HSPA12A: variants seen among roughly 807,000 people sequenced by gnomAD.
HSPA12A encodes heat shock protein family A (Hsp70) member 12A, also known as heat shock 70 kDa protein 12A.
A neutral mutation model predicts 69.2 loss-of-function variants in HSPA12A; 28 were observed. The observed-to-expected ratio is 0.40, with a 90% CI of 0.30 to 0.55. The LOEUF is 0.55. Ranked by LOEUF, HSPA12A falls within the 20% of genes least tolerant of loss-of-function variation. HSPA12A has a pLI of 0.38. For missense variants in HSPA12A, 686 were observed against 900.7 expected, an observed-to-expected ratio of 0.76 and a Z score of 3.05; for synonymous variants, 345 against 370.5, an observed-to-expected ratio of 0.93 and a Z score of 0.79.
At chr10:116,725,213 G>A (rs571542034) in intron 1 of HSPA12A, among the ~76,000 whole-genome samples, 8 of 152,288 alleles carry the variant, frequency 5.3e-5, no homozygotes, top group African/African-American at 1.9e-4. Flanking sequence ...GATGGGAATT[G>A]CTTCTGGCTT....
chr10:116,730,116 G>A (rs1343020202), intron 1 of HSPA12A, among the ~76,000 whole-genome samples: 1 of 152,256 alleles, frequency 6.6e-6, no homozygotes, highest in Non-Finnish European at 1.5e-5. Flanking sequence ...CCTGGAGGCA[G>A]AGGTTGCAGT....
chr10:116,697,706 TA>T (rs1244250163), intron 5 of HSPA12A, among the ~76,000 whole-genome samples: 1 of 152,210 alleles, frequency 6.6e-6, no homozygotes, highest in Non-Finnish European at 1.5e-5. Flanking sequence ...TTCCATACCA[TA>T]AAATTCCCAG....
intron 1 of HSPA12A, among the ~76,000 whole-genome samples, chr10:116,843,030 C>T (rs1183578216): frequency 1.3e-5 from 2 of 152,182 alleles, no homozygotes; most frequent in Non-Finnish European, 2.9e-5. Context: ...ATTAAACTGC[C>T]AGCAGTAGCA....
chr10:116,766,859 A>T (rs1844088900), intron 2 of HSPA12A, among the ~76,000 whole-genome samples: 1 of 152,190 alleles, frequency 6.6e-6, no homozygotes, highest in Admixed American at 6.5e-5. Context: ...TAGGAACTTA[A>T]AAAGAAAAAG....
rs575972477 is a variant in HSPA12A, at chr10:116,804,600, G to A, written c.91+30335C>T. On this transcript the variant is annotated intron_variant, in intron 2 of 12. Coordinates refer to the HSPA12A transcript ENST00000635765. Reference sequence around the variant, plus strand: ...GCTGAGGCATCAGGAACATTAGTGGGAGGAAATGTTCCTGCGTGTTCCTAC... The same window carrying A: ...GCTGAGGCATCAGGAACATTAGTGGAAGGAAATGTTCCTGCGTGTTCCTAC... Among the ~76,000 whole-genome samples the A allele has an allele frequency of 4.6e-5, 7 of 152,254 alleles. No homozygotes were observed. The East Asian group carries it at 5.8e-4, about 13-fold the overall frequency.
At chr10:116,706,450 G>A (rs1850253778) in intron 2 of HSPA12A, among the ~76,000 whole-genome samples, 1 of 152,104 alleles carries the variant, frequency 6.6e-6, no homozygotes, top group African/African-American at 2.4e-5. Flanking sequence ...CAGGGTGCAG[G>A]ACTTGCAGTG....
At chr10:116,688,953 A>C (rs1027371920) in intron 6 of HSPA12A, among the ~76,000 whole-genome samples, 2 of 152,178 alleles carry the variant, frequency 1.3e-5, no homozygotes, top group Non-Finnish European at 2.9e-5. Context: ...CTTTTCACTG[A>C]ATGCTCTTAA....
At chr10:116,811,299 C>T (rs1307850703) in intron 2 of HSPA12A, among the ~76,000 whole-genome samples, 1 of 152,144 alleles carries the variant, frequency 6.6e-6, no homozygotes, top group Non-Finnish European at 1.5e-5. Flanking sequence ...GAGACTGAGG[C>T]TGAGACTATG....
At chr10:116,682,161 A>G (rs1554878717) in intron 7 of HSPA12A, among the ~76,000 whole-genome samples, 1 of 152,142 alleles carries the variant, frequency 6.6e-6, no homozygotes, top group Admixed American at 6.5e-5. Flanking sequence ...TGGAATTATT[A>G]TCCCCATTTT....
chr10:116,717,886 G>A (rs1433529282), intron 1 of HSPA12A, among the ~76,000 whole-genome samples: 3 of 152,138 alleles, frequency 2.0e-5, no homozygotes, highest in Non-Finnish European at 2.9e-5. Flanking sequence ...GATAGGAAAC[G>A]TGAGGGCCGG....
chr10:116,814,385 T>C (rs1845257352), intron 2 of HSPA12A, among the ~76,000 whole-genome samples: 1 of 152,130 alleles, frequency 6.6e-6, no homozygotes, highest in African/African-American at 2.4e-5. Context: ...GAACCCCCTT[T>C]TTGCCTCCTA....
At chr10:116,802,779 G>A (rs1037040315) in intron 2 of HSPA12A, among the ~76,000 whole-genome samples, 3 of 152,188 alleles carry the variant, frequency 2.0e-5, no homozygotes, top group Non-Finnish European at 4.4e-5. Flanking sequence ...CCCACAGGAG[G>A]GACATCCTTC....
chr10:116,833,895 C>A (rs555262158), intron 2 of HSPA12A, among the ~76,000 whole-genome samples: 1 of 152,086 alleles, frequency 6.6e-6, no homozygotes, highest in East Asian at 1.9e-4. Flanking sequence ...CTGCTTTTTA[C>A]GGAGAAAAAA....
At chr10:116,785,707 C>T (rs1844560199) in intron 2 of HSPA12A, among the ~76,000 whole-genome samples, 1 of 152,130 alleles carries the variant, frequency 6.6e-6, no homozygotes, top group South Asian at 2.1e-4. Flanking sequence ...CCCCAAATAT[C>T]CACCTGCCCT....
Position 116,723,239 on chromosome 10 carries a change from C to T in HSPA12A, c.41-15954G>A, listed in dbSNP as rs575239470. On this transcript the variant is annotated intron_variant, in intron 1 of 11. Transcript: ENST00000369209. This position sits in a 1 kb window ranked among gnomAD's most constrained non-coding sequence, Gnocchi z 4.1. ...CCATCATTCCTGTCCTCATACAACC[C>T]CCTGCACAGCTGGGCTGTGTCCTCT... Among the ~76,000 whole-genome samples the T allele has an allele frequency of 3.3e-5, 5 of 152,118 alleles. No individual in the cohort carries two copies. The highest frequency in any genetic ancestry group is 3.3e-4 in the Admixed American group (5 of 15,286).
chr10:116,680,658 G>C (rs1340060045), intron 9 of HSPA12A, among the ~76,000 whole-genome samples: 1 of 152,130 alleles, frequency 6.6e-6, no homozygotes, highest in Admixed American at 6.5e-5. Flanking sequence ...GCTAATTTTT[G>C]TATTTTTAGT....
intron 2 of HSPA12A, among the ~76,000 whole-genome samples, chr10:116,778,736 T>A (rs1226763159): frequency 1.3e-5 from 2 of 151,930 alleles, no homozygotes; most frequent in Non-Finnish European, 1.5e-5. Flanking sequence ...GAGACCAGCT[T>A]GGATGGCATG....
At chr10:116,849,687 A>G (rs1322433414) in exon 1 of HSPA12A, 2 of 1,547,810 alleles carry the variant, frequency 1.3e-6, no homozygotes, top group Non-Finnish European at 1.7e-6. Flanking sequence ...AGAGCTGCTC[A>G]ACTCCACCTT....
At chr10:116,701,419 C>T (rs1850073596) in intron 3 of HSPA12A, among the ~76,000 whole-genome samples, 1 of 152,230 alleles carries the variant, frequency 6.6e-6, no homozygotes, top group Non-Finnish European at 1.5e-5. Context: ...TGGCATGAAA[C>T]TTTTATGTCT....
Sources: allele counts gnomAD v4.1 joint callset (sites outside exome capture counted in the v4.1 genomes callset), GRCh38; gene constraint gnomAD v4.1.1; non-coding constraint Gnocchi (gnomAD v3.1); transcripts MANE v1.5; gene names NCBI Gene and HGNC (gene_info 2026-07-23, HGNC 2026-07-21).